The following TMEFF1 variants were observed in gnomAD, a reference collection of about 807,000 sequenced individuals.
The protein encoded by TMEFF1 is tomoregulin-1.
A neutral mutation model predicts 47.5 loss-of-function variants in TMEFF1; 20 were observed. The observed-to-expected ratio is 0.42, with a 90% CI of 0.30 to 0.61. The LOEUF (loss-of-function observed/expected upper bound fraction) is 0.61. Among genes scored for constraint, TMEFF1 ranks in the 20% least tolerant of loss-of-function variants. TMEFF1 has a pLI of 0.19. For synonymous variants in TMEFF1, 162 were observed against 166.3 expected (o/e 0.97, Z 0.20); for missense variants, 411 against 471.1 (o/e 0.87, Z 1.18).
chr9:100,501,421 A>AT (rs905036432), intron 2 of TMEFF1, among the ~76,000 whole-genome samples: 18 of 149,508 alleles, frequency 1.2e-4, no homozygotes, highest in Middle Eastern at 3.2e-3. Flanking sequence ...ATTTGTTACC[A>AT]TTTTTTTTTG....
Position 100,544,313 on chromosome 9 carries a change from G to A in TMEFF1, c.561-3431G>A, listed in dbSNP as rs1838693274. Among the ~76,000 whole-genome samples, 3 of 152,228 alleles carry A rather than the reference G, an allele frequency of 2.0e-5. No homozygotes were observed. The South Asian group carries it at 6.2e-4, about 31-fold the overall frequency. ...GGTTTAATTGGATTCACAGTTCCAT[G>A]TGGCTGGGGAGGCCTCACAATCATG... On this transcript the variant is annotated intron_variant, in intron 5 of 9. Transcript: ENST00000374879.
chr9:100,517,602 G>A (rs1260724382), intron 5 of TMEFF1, among the ~76,000 whole-genome samples: 1 of 152,102 alleles, frequency 6.6e-6, no homozygotes, highest in African/African-American at 2.4e-5. Context: ...GATGGCACTT[G>A]GTAAAATTGT....
chr9:100,503,170 G>A (rs1472944812), intron 2 of TMEFF1, among the ~76,000 whole-genome samples: 2 of 151,940 alleles, frequency 1.3e-5, no homozygotes, highest in Non-Finnish European at 2.9e-5. Flanking sequence ...CATGCTTTTA[G>A]TGCTAAATAG....
chr9:100,508,691 T>C (rs1192588276), intron 2 of TMEFF1, among the ~76,000 whole-genome samples: 2 of 152,088 alleles, frequency 1.3e-5, no homozygotes, highest in African/African-American at 4.8e-5. Flanking sequence ...AATAAAATGC[T>C]ATTACATAAG....
intron 5 of TMEFF1, among the ~76,000 whole-genome samples, chr9:100,529,144 A>G (rs1838325928): frequency 6.7e-6 from 1 of 149,988 alleles, no homozygotes; most frequent in South Asian, 2.1e-4. Flanking sequence ...ATCATGCCAA[A>G]ATGTAAAGAC....
intron 1 of TMEFF1, among the ~76,000 whole-genome samples, chr9:100,474,341 G>A (rs1056138156): frequency 6.6e-6 from 1 of 151,966 alleles, no homozygotes; most frequent in East Asian, 2.0e-4. Context: ...GCGCGCGCGC[G>A]CGCGTGTGTG....
intron 8 of TMEFF1, among the ~76,000 whole-genome samples, chr9:100,564,701 C>T (rs1446707559): frequency 3.3e-5 from 5 of 151,912 alleles, no homozygotes; most frequent in African/African-American, 9.7e-5. Context: ...CAGTGAGAGA[C>T]GATTAGAGGA....
chr9:100,487,678 A>G (rs1031980868), intron 1 of TMEFF1, among the ~76,000 whole-genome samples: 9 of 152,150 alleles, frequency 5.9e-5, no homozygotes, highest in Admixed American at 5.9e-4. Context: ...GGTTTCAGCC[A>G]GAGTAACAGT....
intron 2 of TMEFF1, among the ~76,000 whole-genome samples, chr9:100,506,660 G>A (rs981190870): frequency 2.0e-5 from 3 of 151,102 alleles, no homozygotes; most frequent in African/African-American, 7.3e-5. Flanking sequence ...CCAGCTACTC[G>A]GGAGGCTGAG....
intron 8 of TMEFF1, among the ~76,000 whole-genome samples, chr9:100,571,551 C>T (rs1170170879): frequency 6.6e-6 from 1 of 151,968 alleles, no homozygotes; most frequent in Non-Finnish European, 1.5e-5. Context: ...AATGTCTATA[C>T]ATTTCCAAAT....
At position 100,473,488 on chromosome 9, in the gene TMEFF1, G is replaced by A. The variant is rs1472657143; in HGVS notation, c.-57G>A. The A allele has an allele frequency of 4.0e-6, 5 of 1,253,406 alleles. No individual in the cohort carries two copies. The highest frequency in any genetic ancestry group is 5.0e-6 in the Non-Finnish European group (5 of 992,854). 77.6% of individuals were successfully genotyped at this position (1,253,406 alleles called of 1,614,324 possible). ...GCAGCGGCGGGGCTCTGGGCGCGCG[G>A]CTGGATGCCCCCGGCCTGCGGCTCC... On this transcript the variant is annotated 5_prime_UTR_variant, in exon 1 of 10. Coordinates refer to ENST00000374879, the MANE Select transcript of TMEFF1 (RefSeq NM_003692.5). This position sits in a 1 kb window ranked among gnomAD's most constrained non-coding sequence, Gnocchi z 5.4.
chr9:100,521,338 AT>A, intron 5 of TMEFF1, among the ~76,000 whole-genome samples: 1 of 152,180 alleles, frequency 6.6e-6, no homozygotes, highest in South Asian at 2.1e-4. Flanking sequence ...TGTGACAGTT[AT>A]GTTCGTTAAT....
chr9:100,497,423 A>G (rs1272096996), intron 1 of TMEFF1, among the ~76,000 whole-genome samples: 1 of 147,100 alleles, frequency 6.8e-6, no homozygotes, highest in Non-Finnish European at 1.5e-5. Context: ...CCCAGAAATC[A>G]TTTAAGAAAG....
chr9:100,484,266 G>A (rs538923170), intron 1 of TMEFF1, among the ~76,000 whole-genome samples: 5 of 151,538 alleles, frequency 3.3e-5, no homozygotes, highest in African/African-American at 1.2e-4. Flanking sequence ...CAGTGTTTTC[G>A]ACTATAGTCA....
intron 3 of TMEFF1, among the ~76,000 whole-genome samples, chr9:100,510,165 G>C (rs1291785072): frequency 6.6e-6 from 1 of 152,158 alleles, no homozygotes; most frequent in Non-Finnish European, 1.5e-5. Context: ...CTCCAAGGCT[G>C]TTCTCACTTC....
intron 3 of TMEFF1, among the ~76,000 whole-genome samples, chr9:100,511,347 C>G (rs1587829093): frequency 6.6e-6 from 1 of 152,150 alleles, no homozygotes. Flanking sequence ...GCTAGGGTTA[C>G]AAGACCTCGC....
intron 5 of TMEFF1, among the ~76,000 whole-genome samples, chr9:100,522,455 T>TG (rs1838180171): frequency 6.8e-6 from 1 of 147,434 alleles, no homozygotes; most frequent in African/African-American, 2.5e-5. Context: ...TTTTTTTTTT[T>TG]GAGACGGAGT....
intron 2 of TMEFF1, among the ~76,000 whole-genome samples, chr9:100,502,884 G>A (rs1177439022): frequency 6.6e-6 from 1 of 152,218 alleles, no homozygotes; most frequent in Non-Finnish European, 1.5e-5. Context: ...TGCTGGGTAT[G>A]AGACTAGATG....
intron 5 of TMEFF1, among the ~76,000 whole-genome samples, chr9:100,547,399 A>G (rs1371542981): frequency 7.2e-5 from 11 of 152,198 alleles, no homozygotes. Flanking sequence ...AACTAGGGGT[A>G]GAATTTAGAT....
Sources: allele counts gnomAD v4.1 joint callset (sites outside exome capture counted in the v4.1 genomes callset), GRCh38; gene constraint gnomAD v4.1.1; non-coding constraint Gnocchi (gnomAD v3.1); transcripts MANE v1.5; gene names NCBI Gene and HGNC (gene_info 2026-07-23, HGNC 2026-07-21).